RASGRP2: variants seen among roughly 807,000 people sequenced by gnomAD.
RASGRP2 encodes the protein RAS guanyl releasing protein 2.
In RASGRP2, 44 loss-of-function variants were observed where a neutral mutation model predicts 71.0. The observed-to-expected ratio is 0.62, with a 90% CI of 0.49 to 0.80. The LOEUF (loss-of-function observed/expected upper bound fraction) is 0.80, where lower values mean the gene tolerates loss of function less well. Among genes scored for constraint, RASGRP2 ranks in the 30% least tolerant of loss-of-function variants. The pLI, the probability that RASGRP2 is intolerant of heterozygous loss-of-function variation, is 0.00. For missense variants in RASGRP2, 663 were observed against 813.4 expected (o/e 0.82, Z 2.25); for synonymous variants, 350 against 330.7 (o/e 1.06, Z -0.63).
chr11:64,740,956 T>A lies in RASGRP2; in HGVS notation c.363A>T (p.Ile121=), dbSNP rs1487511421. 4 of 1,612,970 alleles carry A rather than the reference T, an allele frequency of 2.5e-6. No homozygotes were observed. The highest frequency in any genetic ancestry group is 3.4e-6 in the Non-Finnish European group (4 of 1,179,676). Residue 121 remains isoleucine, a synonymous_variant, in exon 5 of 17, where the codon ATA becomes ATT. Transcript: ENST00000394432. Reference sequence around the variant, plus strand: ...GTGCTCCCCCCACGCACACGCTGTCTATGTCGATTAGGCTGCTGTGCCGTC... The same window carrying A: ...GTGCTCCCCCCACGCACACGCTGTCAATGTCGATTAGGCTGCTGTGCCGTC... The part of the protein sequence containing the change: ...GNRRHSSLID[I]DSVPTYKWKR...
At chr11:64,736,120 C>G (rs2057931241) in intron 9 of RASGRP2, 140 bp from the exon 10 acceptor site, 3 of 722,834 alleles carry the variant, frequency 4.2e-6, no homozygotes. Flanking sequence ...TGGCTTAGAA[C>G]ACAGCACAGC....
chr11:64,742,150 G>T lies in RASGRP2; in HGVS notation c.74-38C>A, dbSNP rs1206735711. ...GGTCAAAGACAGGTGGCTGAGCTGG[G>T]TCCGCAGCTACCATGCCTCATCCTC... On this transcript the variant is annotated intron_variant, in intron 2 of 16. Transcript: ENST00000394432. The surrounding 1 kb of genome is among the most constrained non-coding windows in gnomAD (Gnocchi z 4.7). 7 of 1,494,152 alleles carry T rather than the reference G, an allele frequency of 4.7e-6. No individual in the cohort carries two copies. The African/African-American group carries it at 8.3e-5, about 18-fold the overall frequency. 92.6% of individuals were successfully genotyped at this position (1,494,152 alleles called of 1,614,324 possible).
Position 64,728,889 on chromosome 11 carries a change from G to A in RASGRP2, c.1745C>T (p.Pro582Leu), listed in dbSNP as rs750816463. 1 of 1,612,588 alleles carries A rather than the reference G, an allele frequency of 6.2e-7. No individual in the cohort carries two copies. Among genetic ancestry groups the A allele is most frequent in the East Asian group, 2.2e-5 (1 of 44,880 alleles). ...TGGAGGCCTGGAGCCTCGCCTGCCAGGGCGGGGCAGAGAGAAGCTGAAGGC... is the reference window on the plus strand; with the variant it reads ...TGGAGGCCTGGAGCCTCGCCTGCCAAGGCGGGGCAGAGAGAAGCTGAAGGC... ...HRAFSFSLPR[P>L]GRRGSRPPEI... Residue 582 changes from proline (P) to leucine (L), a missense_variant, in exon 15 of 17, where the codon CCT (proline) becomes CTT (leucine). Pro to Leu is a moderately conservative substitution (Grantham distance 98, BLOSUM62 -3). Coordinates refer to ENST00000394432, the MANE Select transcript of RASGRP2 (RefSeq NM_001098671.2).
intron 12 of RASGRP2, among the ~76,000 whole-genome samples, chr11:64,734,364 G>A (rs975573484): frequency 6.6e-5 from 10 of 151,656 alleles, no homozygotes; most frequent in Non-Finnish European, 1.3e-4. Flanking sequence ...TGTTGCCCAG[G>A]CTGGGCTCAA....
At position 64,733,920 on chromosome 11, in the gene RASGRP2, C is replaced by T. The variant is rs1360923997; in HGVS notation, c.1412+1192G>A. The stretch of plus-strand genomic sequence containing the variant: ...AGGCTGAAGTGCAGTGGTGTGATGA[C>T]AGCTCACTGCAGTCTCAACCTCCTG... On this transcript the variant is annotated intron_variant, in intron 12 of 16. Coordinates refer to ENST00000394432, the MANE Select transcript of RASGRP2 (RefSeq NM_001098671.2). 3.4e-5 allele frequency among the ~76,000 whole-genome samples: 5 copies of T among 145,922 alleles called. No homozygotes were observed. The South Asian group carries it at 8.5e-4, about 25-fold the overall frequency.
At chr11:64,740,571 C>A in intron 5 of RASGRP2, 1 of 659,008 alleles carries the variant, frequency 1.5e-6, no homozygotes, top group South Asian at 1.5e-5. Flanking sequence ...CAAATTCTAC[C>A]CCGGAAGAGC....
Position 64,735,571 on chromosome 11 carries a change from C to T in RASGRP2, c.1267G>A (p.Val423Met), listed in dbSNP as rs141842144. ...AAKPKLDQAL[V>M]VEHIEKMVES... The stretch of plus-strand genomic sequence containing the variant: ...ACCATCTTCTCGATGTGCTCCACCA[C>T]GAGGGCCTGATCCAGCTTGGGTTTG... The change falls in exon 11 of 17, where the codon GTG (valine) becomes ATG (methionine). Residue 423 changes from valine to methionine, a missense_variant. Physicochemically the swap from Val to Met is conservative, Grantham distance 21. Coordinates refer to ENST00000394432, the MANE Select transcript of RASGRP2 (RefSeq NM_001098671.2). The surrounding 1 kb of genome is among the most constrained non-coding windows in gnomAD (Gnocchi z 4.2). 1.6e-4 allele frequency: 264 copies of T among 1,614,128 alleles called. 1 individual carries two copies. The highest frequency in any genetic ancestry group is 1.2e-3 in the African/African-American group (88 of 75,024).
chr11:64,730,199 G>A lies in RASGRP2; in HGVS notation c.1413-5C>T. 6.4e-7 allele frequency: 1 copy of A among 1,551,530 alleles called. No individual in the cohort carries two copies. The highest frequency in any genetic ancestry group is 8.7e-7 in the Non-Finnish European group (1 of 1,146,994). On this transcript the variant is annotated splice_region_variant and splice_polypyrimidine_tract_variant and intron_variant, in intron 12 of 16. Transcript: ENST00000394432. ...TCCCTGCTGATGCAGCCATCCCTGT[G>A]GGGAGTTGCGGGGGCGCTTCAGCTC...
chr11:64,729,776 C>A lies in RASGRP2; in HGVS notation c.1577G>T (p.Gly526Val). ...KALILGIYKQ[G>V]LKCRACGVNC... is the part of the protein sequence containing the mutation. ...TTCCATCTCACCTCGGCATTTGAGG[C>A]CCTGCTTGTAGATGCCCAGGATCTG... The change falls in exon 14 of 17, where the codon GGC becomes GTC. Residue 526 changes from glycine to valine, a missense_variant. Gly to Val is a moderately radical substitution (Grantham distance 109). Coordinates refer to ENST00000394432, the MANE Select transcript of RASGRP2 (RefSeq NM_001098671.2). The A allele has an allele frequency of 6.2e-7, 1 of 1,614,114 alleles. No homozygotes were observed. The highest frequency in any genetic ancestry group is 1.7e-5 in the Admixed American group (1 of 60,028).
At chr11:64,732,434 G>A (rs1018109423) in intron 12 of RASGRP2, among the ~76,000 whole-genome samples, 5 of 152,098 alleles carry the variant, frequency 3.3e-5, no homozygotes, top group Non-Finnish European at 7.4e-5. Context: ...CGAGGCGGGC[G>A]GATCACCTGA....
chr11:64,744,767 G>GC (rs1363626297), upstream of RASGRP2: 3 of 147,752 alleles, frequency 2.0e-5, no homozygotes, highest in African/African-American at 7.4e-5. Context: ...CAAGGAGCCC[G>GC]CACCGGCCTG....
intron 15 of RASGRP2, among the ~76,000 whole-genome samples, chr11:64,728,431 A>T (rs956270108): frequency 2.4e-4 from 34 of 144,060 alleles, no homozygotes; most frequent in East Asian, 6.1e-4. Flanking sequence ...TTTATTTTTT[A>T]TTTTTTTTTT....
rs993708574 is a variant in RASGRP2, at chr11:64,737,194, G to T, written c.814-160C>A. The stretch of plus-strand genomic sequence containing the variant: ...ACGACTGGCTCTCTCAGCCCCTGGG[G>T]ATTGAATTCATTGCCATGAATTCAA... On this transcript the variant is annotated intron_variant, in intron 8 of 16. Transcript: ENST00000394432. 6 of 830,240 alleles carry T rather than the reference G, an allele frequency of 7.2e-6. No homozygotes were observed. The African/African-American group carries it at 1.0e-4, about 14-fold the overall frequency. The allele number at this position is 830,240 out of a possible 1,614,324, so 51.4% of individuals were successfully genotyped here. A position where few individuals can be genotyped will look rare whatever the true frequency, so the allele number is the denominator to read the frequency against.
intron 12 of RASGRP2, among the ~76,000 whole-genome samples, chr11:64,730,453 G>C (rs1288985329): frequency 6.6e-6 from 1 of 152,236 alleles, no homozygotes; most frequent in African/African-American, 2.4e-5. Flanking sequence ...TTCACACTTG[G>C]TGTGCAAACT....
chr11:64,743,265 C>T lies in RASGRP2; in HGVS notation c.-71-328G>A. The T allele has an allele frequency of 4.2e-6, 2 of 480,444 alleles. No individual in the cohort carries two copies. The highest frequency in any genetic ancestry group is 8.2e-6 in the Non-Finnish European group (2 of 243,190). 29.8% of individuals were successfully genotyped at this position (480,444 alleles called of 1,614,324 possible). ...TCCTCGCGCCCTCTCCCCAGAGGCACCTGCAGCACCCCGCAGCTCGGCTCT... is the reference window on the plus strand; with the variant it reads ...TCCTCGCGCCCTCTCCCCAGAGGCATCTGCAGCACCCCGCAGCTCGGCTCT... On this transcript the variant is annotated intron_variant, in intron 1 of 16. Transcript: ENST00000394432. The surrounding 1 kb of genome is among the most constrained non-coding windows in gnomAD (Gnocchi z 4.9).
intron 12 of RASGRP2, among the ~76,000 whole-genome samples, chr11:64,733,146 AAAAAAAG>A (rs142183468): frequency 0.015 from 2,294 of 152,026 alleles, 52 homozygotes; most frequent in African/African-American, 0.047. Context: ...AGGGTGATTA[AAAAAAAG>A]AAAAAAGAAA....
In RASGRP2 at chr11:64,743,198, T is replaced by G. The variant is rs773801295; in HGVS notation, c.-71-261A>C. On this transcript the variant is annotated intron_variant, in intron 1 of 16. Transcript: ENST00000394432. This position sits in a 1 kb window ranked among gnomAD's most constrained non-coding sequence, Gnocchi z 4.9. Reference sequence around the variant, plus strand: ...TCACGAGGATGGGGACGAACCAAGATCCCAGGACTGGCTGGCGCCCAGCCC... The same window carrying G: ...TCACGAGGATGGGGACGAACCAAGAGCCCAGGACTGGCTGGCGCCCAGCCC... The G allele has an allele frequency of 2.7e-5, 15 of 550,220 alleles. No individual in the cohort carries two copies. The highest frequency in any genetic ancestry group is 4.9e-5 in the Non-Finnish European group (14 of 288,232). 34.1% of individuals were successfully genotyped at this position (550,220 alleles called of 1,614,324 possible). A position where few individuals can be genotyped will look rare whatever the true frequency, so the allele number is the denominator to read the frequency against.
intron 12 of RASGRP2, among the ~76,000 whole-genome samples, chr11:64,733,468 G>A (rs998626110): frequency 6.6e-6 from 1 of 151,558 alleles, no homozygotes. Flanking sequence ...AGGAGGTGGA[G>A]GGTTAAGGCT....
chr11:64,733,611 G>A (rs940764494), intron 12 of RASGRP2, among the ~76,000 whole-genome samples: 3 of 152,012 alleles, frequency 2.0e-5, no homozygotes, highest in African/African-American at 7.2e-5. Flanking sequence ...CTAAAATCTG[G>A]GAGAAGAAAT....
Sources: gnomAD v4.1 joint callset for allele counts (sites outside exome capture counted in the v4.1 genomes callset) on GRCh38, gnomAD v4.1.1 for gene constraint, Gnocchi (gnomAD v3.1) non-coding constraint, MANE v1.5 for transcripts, NCBI Gene and HGNC (gene_info 2026-07-23, HGNC 2026-07-21) for gene names.